Variants in FOXJ3 observed in about 807,000 individuals in gnomAD.
FOXJ3 encodes forkhead box J3.
In FOXJ3, 22 loss-of-function variants were observed where a neutral mutation model predicts 76.1. That is an observed-to-expected ratio of 0.29 (90% confidence interval 0.21 to 0.41). The LOEUF (loss-of-function observed/expected upper bound fraction) is 0.41, where lower values mean the gene tolerates loss of function less well. Among genes scored for constraint, FOXJ3 ranks in the 10% least tolerant of loss-of-function variants. The pLI is 1.00. For missense variants in FOXJ3, 613 were observed against 762.1 expected, an observed-to-expected ratio of 0.80 and a Z score of 2.30; for synonymous variants, 269 against 261.2, an observed-to-expected ratio of 1.03 and a Z score of -0.29.
chr1:42,206,821 TTTC>T (rs57608774), intron 5 of FOXJ3, among the ~76,000 whole-genome samples: 8 of 151,886 alleles, frequency 5.3e-5, no homozygotes, highest in South Asian at 4.1e-4. Context: ...TCAGGTCTTA[TTTC>T]TTCTTCTTCT....
chr1:42,334,008 G>T (rs955149848), intron 1 of FOXJ3: 2 of 207,142 alleles, frequency 9.7e-6, no homozygotes, highest in Non-Finnish European at 1.7e-5. Flanking sequence ...GAATTAGAGT[G>T]AATGGCTCTA....
At chr1:42,263,571 A>T (rs1472123309) in intron 4 of FOXJ3, among the ~76,000 whole-genome samples, 2 of 152,198 alleles carry the variant, frequency 1.3e-5, no homozygotes, top group African/African-American at 4.8e-5. Flanking sequence ...AAACATAGAG[A>T]AACAATTTCT....
chr1:42,226,625 G>A (rs556734268), intron 5 of FOXJ3, among the ~76,000 whole-genome samples: 1 of 152,038 alleles, frequency 6.6e-6, no homozygotes, highest in African/African-American at 2.4e-5. Context: ...AAAAAATTTT[G>A]TCTAGCTCTG....
At chr1:42,251,399 G>A (rs1458000163) in intron 4 of FOXJ3, among the ~76,000 whole-genome samples, 3 of 152,116 alleles carry the variant, frequency 2.0e-5, no homozygotes, top group Non-Finnish European at 4.4e-5. Context: ...TATTTTCAGA[G>A]GAACAAAGGC....
At chr1:42,238,023 A>G (rs1276257747) in intron 4 of FOXJ3, among the ~76,000 whole-genome samples, 1 of 151,770 alleles carries the variant, frequency 6.6e-6, no homozygotes, top group African/African-American at 2.4e-5. Flanking sequence ...TCCTTATGCC[A>G]ATACCATTTT....
intron 3 of FOXJ3, among the ~76,000 whole-genome samples, chr1:42,275,501 A>C (rs1390535733): frequency 6.6e-6 from 1 of 152,086 alleles, no homozygotes; most frequent in Non-Finnish European, 1.5e-5. Flanking sequence ...CAGTCCAGGC[A>C]ACATAGCAAG....
chr1:42,205,897 C>T (rs1277663351), intron 5 of FOXJ3, 34 bp from the exon 6 acceptor site: 1 of 1,245,926 alleles, frequency 8.0e-7, no homozygotes, highest in Admixed American at 1.8e-5. Context: ...TAATTATTAG[C>T]TCATATATCC....
chr1:42,273,507 C>T (rs764536344), intron 3 of FOXJ3, among the ~76,000 whole-genome samples: 7 of 151,764 alleles, frequency 4.6e-5, no homozygotes, highest in African/African-American at 1.7e-4. Context: ...AACCCCATCT[C>T]TACTAAAAAT....
At chr1:42,204,909 C>A (rs920373532) in intron 6 of FOXJ3, among the ~76,000 whole-genome samples, 9 of 151,884 alleles carry the variant, frequency 5.9e-5, no homozygotes, top group South Asian at 2.1e-4. Context: ...CCTAGGAGTA[C>A]CATATTAGTG....
chr1:42,203,582 A>G (rs1646803330), intron 6 of FOXJ3, among the ~76,000 whole-genome samples: 1 of 152,216 alleles, frequency 6.6e-6, no homozygotes, highest in South Asian at 2.1e-4. Flanking sequence ...CATAAACTAC[A>G]ATATTTGTCC....
chr1:42,321,553 T>G (rs983046600), intron 1 of FOXJ3, among the ~76,000 whole-genome samples: 1 of 152,154 alleles, frequency 6.6e-6, no homozygotes, highest in African/African-American at 2.4e-5. Context: ...AGACCTGATG[T>G]ATGTACCAGG....
intron 4 of FOXJ3, among the ~76,000 whole-genome samples, chr1:42,254,150 C>A (rs950218958): frequency 1.3e-5 from 2 of 151,920 alleles, no homozygotes; most frequent in African/African-American, 2.4e-5. Flanking sequence ...AAAAAGTGGG[C>A]GAAGGATATG....
At chr1:42,234,279 T>C (rs928645360) in intron 4 of FOXJ3, among the ~76,000 whole-genome samples, 1 of 152,198 alleles carries the variant, frequency 6.6e-6, no homozygotes, top group Admixed American at 6.5e-5. Context: ...TCTGCATTGG[T>C]TATTCTAGTT....
intron 1 of FOXJ3, among the ~76,000 whole-genome samples, chr1:42,311,889 C>CAAA (rs1468536124): frequency 6.6e-6 from 1 of 152,110 alleles, no homozygotes; most frequent in East Asian, 1.9e-4. Flanking sequence ...AATAAATCAA[C>CAAA]AAATGTAAAA....
intron 5 of FOXJ3, among the ~76,000 whole-genome samples, chr1:42,222,046 G>GAGAAGAAGAAGA (rs1161062102): frequency 0.028 from 247 of 8,926 alleles, 8 homozygotes; most frequent in African/African-American, 0.037. Flanking sequence ...GAAGGAGAAG[G>GAGAAGAAGAAGA]AGAAGAAGAA....
At chr1:42,180,077 T>G (rs1646287725) in intron 12 of FOXJ3, among the ~76,000 whole-genome samples, 1 of 152,132 alleles carries the variant, frequency 6.6e-6, no homozygotes, top group African/African-American at 2.4e-5. Context: ...GTTCACTTGA[T>G]CCACACTCCT....
chr1:42,265,007 C>G, intron 4 of FOXJ3, 108 bp downstream of exon 4: 1 of 792,868 alleles, frequency 1.3e-6, no homozygotes, highest in Middle Eastern at 2.3e-4. Context: ...TGGGGGAGGA[C>G]TTACTATTTT....
At chr1:42,305,758 A>G (rs1363483151) in intron 2 of FOXJ3, among the ~76,000 whole-genome samples, 1 of 152,234 alleles carries the variant, frequency 6.6e-6, no homozygotes, top group Admixed American at 6.5e-5. Flanking sequence ...GTTAACGGGT[A>G]CAAAAAAATA....
intron 4 of FOXJ3, among the ~76,000 whole-genome samples, chr1:42,243,243 T>C (rs1570018770): frequency 4.8e-5 from 1 of 20,720 alleles, no homozygotes; most frequent in South Asian, 1.8e-3. Flanking sequence ...CGGAGAAGTA[T>C]AAAAACTCAC....
Sources: gnomAD v4.1 joint callset for allele counts (sites outside exome capture counted in the v4.1 genomes callset) on GRCh38, gnomAD v4.1.1 for gene constraint, MANE v1.5 for transcripts, NCBI Gene and HGNC (gene_info 2026-07-23, HGNC 2026-07-21) for gene names.